The following MPHOSPH9 variants were observed in gnomAD, a reference collection of about 807,000 sequenced individuals.
MPHOSPH9 encodes M-phase phosphoprotein 9.
MPHOSPH9 carries 88 observed loss-of-function variants against 145.5 expected under a neutral mutation model. The ratio of observed to expected loss-of-function variants is 0.60; its 90% CI spans 0.51 to 0.72. The LOEUF (loss-of-function observed/expected upper bound fraction) is 0.72, where lower values mean the gene tolerates loss of function less well. MPHOSPH9 is among the 30% of genes least tolerant of loss of function. MPHOSPH9 has a pLI of 0.00. For missense variants in MPHOSPH9, 1,238 were observed against 1,386.6 expected (o/e 0.89, Z 1.70); for synonymous variants, 435 against 486.2 (o/e 0.89, Z 1.39).
intron 17 of MPHOSPH9, 119 bp downstream of exon 17, chr12:123,166,536 G>A: frequency 8.9e-7 from 1 of 1,122,780 alleles, no homozygotes; most frequent in Non-Finnish European, 1.3e-6. Context: ...TAAAAGTCAG[G>A]TTCTCAAAAT....
intron 11 of MPHOSPH9, among the ~76,000 whole-genome samples, chr12:123,201,362 G>A (rs1211019243): frequency 2.6e-5 from 4 of 151,976 alleles, no homozygotes; most frequent in Admixed American, 6.6e-5. Context: ...GACCTGCATC[G>A]ATTTTCAATC....
Position 123,221,373 on chromosome 12 carries a change from T to A in MPHOSPH9, c.871A>T (p.Ser291Cys), listed in dbSNP as rs769643100. The A allele has an allele frequency of 4.5e-6, 7 of 1,568,610 alleles. No individual in the cohort carries two copies. The highest frequency in any genetic ancestry group is 1.4e-5 in the African/African-American group (1 of 72,590). Residue 291 changes from serine to cysteine, a missense_variant and splice_region_variant, in exon 5 of 24, where the codon AGT becomes TGT. By Grantham distance (112) the Ser-to-Cys change is moderately radical (BLOSUM62 -1). Around this residue, in one of 3 missense-constraint regions of MPHOSPH9, gnomAD observed 837 missense variants for 897.5 expected, o/e 0.93. Transcript: ENST00000606320. The stretch of plus-strand genomic sequence containing the variant: ...TCAAATGATAGAAATTCTACTTACC[T>A]ATTTGTTTTCCCACTGTATACTTCA... ...VSEVYSGKTN[S>C]NAITSWAQKL...
intron 3 of MPHOSPH9, among the ~76,000 whole-genome samples, chr12:123,224,110 T>TTA (rs147637276): frequency 0.58 from 69,985 of 120,182 alleles, 23,187 homozygotes; most frequent in East Asian, 0.77. Flanking sequence ...AATTGCTAAT[T>TTA]TATATATATA....
At position 123,214,794 on chromosome 12, in the gene MPHOSPH9, A is replaced by G. The variant is rs1411782245; in HGVS notation, c.1037T>C (p.Leu346Pro). Reference protein sequence around the residue: ...AAATHPRAFYLSKPDETPNAW... With the variant: ...AAATHPRAFYPSKPDETPNAW... ...ATTTGGAGTTTCATCTGGTTTACTG[A>G]GGTAAAAAGCACGAGGATGTGTAGC... The change falls in exon 7 of 24, where the codon CTC becomes CCC. Residue 346 changes from leucine (L) to proline (P), a missense_variant. Physicochemically the swap from Leu to Pro is moderately conservative, Grantham distance 98. This residue lies in a region of MPHOSPH9 where 837 missense variants were observed against 897.5 expected (regional missense o/e 0.93). Coordinates refer to ENST00000606320, the MANE Select transcript of MPHOSPH9 (RefSeq NM_022782.4). 2 of 1,613,684 alleles carry G rather than the reference A, an allele frequency of 1.2e-6. No individual in the cohort carries two copies. Among genetic ancestry groups the G allele is most frequent in the Non-Finnish European group, 1.7e-6 (2 of 1,179,638 alleles).
In MPHOSPH9 at chr12:123,161,348, C is replaced by T. The variant is rs771150792; in HGVS notation, c.3169G>A (p.Val1057Ile). 1.9e-6 allele frequency: 3 copies of T among 1,613,962 alleles called. No homozygotes were observed. Among genetic ancestry groups the T allele is most frequent in the Non-Finnish European group, 2.5e-6 (3 of 1,180,016 alleles). Reference sequence around the variant, plus strand: ...GGTTCAGGGCAAGAGCTATGATTAACATGGTTATCGGTGGCTTTCTCAGAA... The same window carrying T: ...GGTTCAGGGCAAGAGCTATGATTAATATGGTTATCGGTGGCTTTCTCAGAA... ...TYSEKATDNH[V>I]NHSSCPEPVP... The change falls in exon 22 of 24, where the codon GTT (valine) becomes ATT (isoleucine). Residue 1057 changes from valine (V) to isoleucine (I), a missense_variant. Around this residue, in one of 3 missense-constraint regions of MPHOSPH9, gnomAD observed 393 missense variants for 462.5 expected, o/e 0.85. Coordinates refer to ENST00000606320, the MANE Select transcript of MPHOSPH9 (RefSeq NM_022782.4).
Position 123,155,061 on chromosome 12 carries a change from G to A in MPHOSPH9, c.*1746C>T, listed in dbSNP as rs1478995323. On this transcript the variant is annotated 3_prime_UTR_variant, in exon 24 of 24. Transcript: ENST00000606320. The stretch of plus-strand genomic sequence containing the variant: ...ATATACACACACACAAAATTAGCCG[G>A]GCGTGGTGGCAGATGCCTGTAATCC... 2 of 151,816 alleles carry A rather than the reference G, an allele frequency of 1.3e-5. No individual in the cohort carries two copies. The highest frequency in any genetic ancestry group is 2.4e-5 in the African/African-American group (1 of 41,310). The allele number at this position is 151,816 out of a possible 1,614,324, so 9.4% of individuals were successfully genotyped here.
intron 13 of MPHOSPH9, 117 bp from the exon 14 acceptor site, chr12:123,181,327 G>C: frequency 1.3e-6 from 1 of 772,888 alleles, no homozygotes; most frequent in Non-Finnish European, 2.1e-6. Context: ...TCATGAAAGA[G>C]AAAGGTCAAT....
chr12:123,243,260 A>G (rs1672701321), intron 1 of MPHOSPH9, among the ~76,000 whole-genome samples: 3 of 151,302 alleles, frequency 2.0e-5, no homozygotes, highest in South Asian at 2.1e-4. Flanking sequence ...GCTGGGCGCA[A>G]TGGCTCACGC....
Position 123,156,759 on chromosome 12 carries a change from AT to A in MPHOSPH9, c.*47del, listed in dbSNP as rs1316372052. 1 of 1,474,420 alleles carries A rather than the reference AT, an allele frequency of 6.8e-7. No homozygotes were observed. Among genetic ancestry groups the A allele is most frequent in the African/African-American group, 1.4e-5 (1 of 72,180 alleles). The allele number at this position is 1,474,420 out of a possible 1,614,324, so 91.3% of individuals were successfully genotyped here. A position where few individuals can be genotyped will look rare whatever the true frequency, so the allele number is the denominator to read the frequency against. ...GTTTGCCTTTTCTGACTGCATAATT[AT>A]ACATTAGTGCAAACAAAAATGTCTC... On this transcript the variant is annotated 3_prime_UTR_variant, in exon 24 of 24. Coordinates refer to ENST00000606320, the MANE Select transcript of MPHOSPH9 (RefSeq NM_022782.4).
intron 6 of MPHOSPH9, among the ~76,000 whole-genome samples, chr12:123,216,937 T>TGA (rs1305533737): frequency 1.3e-5 from 2 of 151,806 alleles, no homozygotes; most frequent in African/African-American, 4.8e-5. Flanking sequence ...TGCAGTGAGC[T>TGA]GAGATTATGT....
intron 3 of MPHOSPH9, among the ~76,000 whole-genome samples, chr12:123,226,932 C>T (rs1402541065): frequency 1.3e-5 from 2 of 152,292 alleles, no homozygotes; most frequent in Admixed American, 1.3e-4. Context: ...CCACTGTGCT[C>T]GGCCATGTAA....
Position 123,207,947 on chromosome 12 carries a change from TA to T in MPHOSPH9, c.1194+2108del, listed in dbSNP as rs1156309160. Among the ~76,000 whole-genome samples, 305 of 150,750 alleles carry T rather than the reference TA, an allele frequency of 2.0e-3. 1 individual carries two copies. Among genetic ancestry groups the T allele is most frequent in the African/African-American group, 7.2e-3 (295 of 41,078 alleles). On this transcript the variant is annotated intron_variant, in intron 8 of 23. Transcript: ENST00000606320. ...AGTTTTATTTCTTTGCTCTTAAATT[TA>T]AAAAAAATGGGCCAGCGCAGTGGCT...
intron 13 of MPHOSPH9, among the ~76,000 whole-genome samples, chr12:123,188,412 A>AT (rs35829011): frequency 0.65 from 98,223 of 152,018 alleles, 36,281 homozygotes; most frequent in East Asian, 1. Context: ...AGAGACTATT[A>AT]TAACAGGCTA....
rs2046070212 is a variant in MPHOSPH9 at position 123,198,423 on chromosome 12, A to G, written c.1938-89T>C. 5 of 1,030,950 alleles carry G rather than the reference A, an allele frequency of 4.8e-6. No homozygotes were observed. The African/African-American group carries it at 8.2e-5, about 17-fold the overall frequency. The allele number at this position is 1,030,950 out of a possible 1,614,324, so 63.9% of individuals were successfully genotyped here. ...AATCTAACCAATTCTCTAATATATA[A>G]CATAAGACAAATTCTCCAGTGTTAA... On this transcript the variant is annotated intron_variant, in intron 11 of 23. Coordinates refer to ENST00000606320, the MANE Select transcript of MPHOSPH9 (RefSeq NM_022782.4).
chr12:123,181,114 A>G (rs750136597), intron 14 of MPHOSPH9, 49 bp downstream of exon 14: 169 of 1,528,492 alleles, frequency 1.1e-4, no homozygotes, highest in Non-Finnish European at 1.4e-4. Context: ...TCCCAATCCA[A>G]TGTTTCTGCC....
At chr12:123,223,947 T>A (rs1026891999) in intron 3 of MPHOSPH9, among the ~76,000 whole-genome samples, 3 of 151,594 alleles carry the variant, frequency 2.0e-5, no homozygotes, top group African/African-American at 4.8e-5. Flanking sequence ...TTATTTTTTT[T>A]TTTGAGACGG....
intron 18 of MPHOSPH9, 121 bp downstream of exon 18, chr12:123,165,181 T>C (rs772244395): frequency 8.9e-6 from 8 of 899,370 alleles, no homozygotes; most frequent in Non-Finnish European, 1.3e-5. Flanking sequence ...AGCAGTAAAA[T>C]AGCAAGTTTA....
At chr12:123,216,861 C>T (rs973511056) in intron 6 of MPHOSPH9, among the ~76,000 whole-genome samples, 3 of 151,760 alleles carry the variant, frequency 2.0e-5, no homozygotes, top group African/African-American at 4.8e-5. Context: ...TGGTGGCACG[C>T]GCCTATAGTC....
intron 13 of MPHOSPH9, among the ~76,000 whole-genome samples, chr12:123,191,048 G>A (rs555179605): frequency 5.3e-5 from 8 of 152,118 alleles, no homozygotes; most frequent in African/African-American, 1.7e-4. Context: ...CAGGCCAGGC[G>A]CGGTGGCTCA....
Sources: allele counts gnomAD v4.1 joint callset (sites outside exome capture counted in the v4.1 genomes callset), GRCh38; gene constraint gnomAD v4.1.1; regional missense constraint gnomAD v4.1.1; transcripts MANE v1.5; gene names NCBI Gene and HGNC (gene_info 2026-07-23, HGNC 2026-07-21).